Variants in SLIT1 observed in about 807,000 individuals in gnomAD.
SLIT1 encodes the protein slit homolog 1 protein.
SLIT1 carries 66 observed loss-of-function variants against 186.1 expected under a neutral mutation model. That is an observed-to-expected ratio of 0.35 (90% confidence interval 0.29 to 0.44). The LOEUF (loss-of-function observed/expected upper bound fraction) is 0.44, where lower values mean the gene tolerates loss of function less well. Ranked by LOEUF, SLIT1 falls within the 20% of genes least tolerant of loss-of-function variation. The pLI is 1.00. For synonymous variants in SLIT1, 761 were observed against 833.8 expected (o/e 0.91, Z 1.50); for missense variants, 1,638 against 2,037.4 (o/e 0.80, Z 3.77).
At chr10:97,153,493 A>G (rs912128486) in intron 4 of SLIT1, 2 of 152,268 alleles carry the variant, frequency 1.3e-5, no homozygotes, top group Admixed American at 6.5e-5. Flanking sequence ...ATCCCTACAA[A>G]GCAAAGGGGA....
Position 97,060,645 on chromosome 10 carries a change from C to T in SLIT1, c.936G>A (p.Thr312=), listed in dbSNP as rs559537132. Residue 312 remains threonine (T), a synonymous_variant, in exon 9 of 37, where the codon ACG becomes ACA. Coordinates refer to ENST00000266058, the MANE Select transcript of SLIT1 (RefSeq NM_003061.3). ...CTGCCCTGCCCCGTACTCACATCTC[C>T]GTCATGGTCTCGGGCAGGTTGGCCG... The part of the protein sequence containing the change: ...AIPANLPETM[T]EIRLELNGIK... 3.7e-6 allele frequency: 6 copies of T among 1,612,894 alleles called. No individual in the cohort carries two copies. The highest frequency in any genetic ancestry group is 2.0e-4 in the Middle Eastern group (1 of 5,084).
intron 3 of SLIT1, among the ~76,000 whole-genome samples, chr10:97,158,870 T>C (rs949002636): frequency 2.0e-5 from 3 of 151,204 alleles, no homozygotes; most frequent in African/African-American, 4.9e-5. Flanking sequence ...AGTGAGACTC[T>C]GTCTCAGAGA....
chr10:97,059,351 G>A, intron 11 of SLIT1, 109 bp downstream of exon 11: 1 of 875,998 alleles, frequency 1.1e-6, no homozygotes, highest in Non-Finnish European at 1.9e-6. Context: ...GCTGTGTGGA[G>A]GGGGGCATAG....
At chr10:97,072,823 A>T (rs1849012193) in intron 4 of SLIT1, among the ~76,000 whole-genome samples, 1 of 152,172 alleles carries the variant, frequency 6.6e-6, no homozygotes, top group Non-Finnish European at 1.5e-5. Flanking sequence ...CCAACCATGG[A>T]CCTCGAGAAG....
rs545830806 is a variant in SLIT1, at chr10:97,073,068, T to C, written c.414-6982A>G. Among the ~76,000 whole-genome samples, 9 of 152,334 alleles carry C rather than the reference T, an allele frequency of 5.9e-5. No homozygotes were observed. In the East Asian group the frequency reaches 1.3e-3, roughly 23 times the overall value. ...GAAGCCTTCCCTGGACCTGGATGCC[T>C]CAACCACATCGCAAACTAGCAGAAC... On this transcript the variant is annotated intron_variant, in intron 4 of 36. Transcript: ENST00000266058.
chr10:97,004,936 C>T lies in SLIT1; in HGVS notation c.3580-113G>A, dbSNP rs912257307. ...TGGAAGAGAGATGCTCTGTGCAGAG[C>T]GCTCTTCCCCCACCTGGCCAGCCTC... On this transcript the variant is annotated intron_variant, in intron 32 of 36. Transcript: ENST00000266058. This position sits in a 1 kb window ranked among gnomAD's most constrained non-coding sequence, Gnocchi z 5.1. 3.8e-5 allele frequency: 49 copies of T among 1,303,270 alleles called. No individual in the cohort carries two copies. The African/African-American group carries it at 6.1e-4, about 16-fold the overall frequency. The allele number at this position is 1,303,270 out of a possible 1,614,324, so 80.7% of individuals were successfully genotyped here. A position where few individuals can be genotyped will look rare whatever the true frequency, so the allele number is the denominator to read the frequency against.
intron 3 of SLIT1, among the ~76,000 whole-genome samples, chr10:97,160,795 A>G (rs1850014733): frequency 6.6e-6 from 1 of 152,170 alleles, no homozygotes; most frequent in Admixed American, 6.5e-5. Flanking sequence ...ATCTCGGCTC[A>G]CCGCAACCTC....
Position 97,047,675 on chromosome 10 carries a change from G to C in SLIT1, c.1634+15C>G. On this transcript the variant is annotated intron_variant, in intron 16 of 36. Transcript: ENST00000266058. ...TTAGGGACAGGGGAGGGCTGGGGGG[G>C]CCAGGGACCCTCACAGTTCTGCCGT... 2 of 1,609,770 alleles carry C rather than the reference G, an allele frequency of 1.2e-6. No homozygotes were observed. The highest frequency in any genetic ancestry group is 1.7e-6 in the Non-Finnish European group (2 of 1,177,286).
chr10:97,088,489 T>A (rs1849192090), intron 4 of SLIT1, among the ~76,000 whole-genome samples: 1 of 152,228 alleles, frequency 6.6e-6, no homozygotes, highest in Non-Finnish European at 1.5e-5. Context: ...ATTGGTGACA[T>A]CTGACCAGTC....
chr10:97,160,878 G>A (rs1850016282), intron 3 of SLIT1, among the ~76,000 whole-genome samples: 1 of 152,088 alleles, frequency 6.6e-6, no homozygotes, highest in African/African-American at 2.4e-5. Flanking sequence ...GTACCACTGT[G>A]CCTGGCTAAT....
At chr10:97,147,441 T>A (rs1056433327) in intron 4 of SLIT1, among the ~76,000 whole-genome samples, 2 of 152,286 alleles carry the variant, frequency 1.3e-5, no homozygotes, top group Admixed American at 1.3e-4. Context: ...TATTGTACCA[T>A]GATTTTAAAA....
intron 4 of SLIT1, among the ~76,000 whole-genome samples, chr10:97,099,121 T>C (rs1849322915): frequency 7.0e-6 from 1 of 143,078 alleles, no homozygotes; most frequent in Admixed American, 7.0e-5. Context: ...CAACAGGAGG[T>C]TGGAGTGGAG....
chr10:97,171,646 C>G (rs932419607), intron 1 of SLIT1, among the ~76,000 whole-genome samples: 3 of 152,036 alleles, frequency 2.0e-5, no homozygotes, highest in Non-Finnish European at 4.4e-5. Context: ...ATGGCGAAAC[C>G]TGTCTCTACT....
At chr10:97,121,057 T>A (rs1849556327) in intron 4 of SLIT1, among the ~76,000 whole-genome samples, 1 of 152,152 alleles carries the variant, frequency 6.6e-6, no homozygotes, top group Non-Finnish European at 1.5e-5. Context: ...CTCACACCTC[T>A]CTCCAGGCTG....
chr10:97,128,675 A>G (rs1272268914), intron 4 of SLIT1, among the ~76,000 whole-genome samples: 2 of 152,224 alleles, frequency 1.3e-5, no homozygotes, highest in Admixed American at 6.5e-5. Context: ...GTGGTTGCTA[A>G]GAGACAGAGG....
At chr10:97,162,383 G>T (rs1850040441) in intron 3 of SLIT1, among the ~76,000 whole-genome samples, 1 of 152,194 alleles carries the variant, frequency 6.6e-6, no homozygotes, top group African/African-American at 2.4e-5. Context: ...GCCGAGGCAG[G>T]TGTGTCACCT....
At chr10:97,128,926 C>A (rs1451318342) in intron 4 of SLIT1, among the ~76,000 whole-genome samples, 1 of 150,902 alleles carries the variant, frequency 6.6e-6, no homozygotes, top group Non-Finnish European at 1.5e-5. Context: ...AAAACTAAGA[C>A]AAAAAAAAAT....
chr10:97,013,675 G>A, intron 30 of SLIT1, 66 bp downstream of exon 30: 3 of 1,195,934 alleles, frequency 2.5e-6, no homozygotes, highest in Non-Finnish European at 3.6e-6. Context: ...ACGGAGCCCA[G>A]ACTGGAATCC....
At chr10:97,176,625 C>A (rs951466084) in intron 1 of SLIT1, among the ~76,000 whole-genome samples, 2 of 152,196 alleles carry the variant, frequency 1.3e-5, no homozygotes, top group Non-Finnish European at 2.9e-5. Context: ...TACCAGTGAC[C>A]CCGATCTCGA....
Sources: allele counts gnomAD v4.1 joint callset (sites outside exome capture counted in the v4.1 genomes callset), GRCh38; gene constraint gnomAD v4.1.1; non-coding constraint Gnocchi (gnomAD v3.1); transcripts MANE v1.5; gene names NCBI Gene and HGNC (gene_info 2026-07-23, HGNC 2026-07-21).